PRPSAP1: variants seen among roughly 807,000 people sequenced by gnomAD.
PRPSAP1 encodes phosphoribosyl pyrophosphate synthetase associated protein 1.
PRPSAP1 carries 31 observed loss-of-function variants against 39.4 expected under a neutral mutation model. The observed-to-expected ratio is 0.79, with a 90% confidence interval of 0.59 to 1.06. PRPSAP1 has a LOEUF of 1.06. Ranked by LOEUF, PRPSAP1 falls within the 50% of genes least tolerant of loss-of-function variation. PRPSAP1 has a pLI of 0.00. For synonymous variants in PRPSAP1, 212 were observed against 192.6 expected (o/e 1.10, Z -0.83); for missense variants, 430 against 511.6 (o/e 0.84, Z 1.54).
intron 3 of PRPSAP1, among the ~76,000 whole-genome samples, chr17:76,339,133 G>A (rs377652099): frequency 2.6e-5 from 4 of 152,006 alleles, no homozygotes; most frequent in East Asian, 1.9e-4. Flanking sequence ...GACTGGGCAC[G>A]GTGGCTCACG....
Position 76,309,644 on chromosome 17 carries a change from C to T in PRPSAP1, c.*1898G>A, listed in dbSNP as rs1281377461. 1 of 152,222 alleles carries T rather than the reference C, an allele frequency of 6.6e-6. No individual in the cohort carries two copies. The highest frequency in any genetic ancestry group is 2.4e-5 in the African/African-American group (1 of 41,446). 9.4% of individuals were successfully genotyped at this position (152,222 alleles called of 1,614,324 possible). On this transcript the variant is annotated 3_prime_UTR_variant, in exon 10 of 10. Transcript: ENST00000446526. The stretch of plus-strand genomic sequence containing the variant: ...AACCACGACTGAACACGTACAGATT[C>T]CTGTCATGATTCTCTAAATAATACA...
At chr17:76,321,898 A>G (rs2071202158) in intron 7 of PRPSAP1, among the ~76,000 whole-genome samples, 1 of 152,130 alleles carries the variant, frequency 6.6e-6, no homozygotes, top group Admixed American at 6.5e-5. Context: ...GAGAAGTTTG[A>G]GTGATCTGGA....
chr17:76,337,945 A>G (rs2071396558), intron 3 of PRPSAP1, among the ~76,000 whole-genome samples: 1 of 152,052 alleles, frequency 6.6e-6, no homozygotes, highest in Non-Finnish European at 1.5e-5. Flanking sequence ...TTACATCAAC[A>G]CACTAGAACT....
At position 76,344,701 on chromosome 17, in the gene PRPSAP1, T is replaced by C; in HGVS notation, c.260A>G (p.Gln87Arg). 6.3e-7 allele frequency: 1 copy of C among 1,583,760 alleles called. No homozygotes were observed. The highest frequency in any genetic ancestry group is 8.6e-7 in the Non-Finnish European group (1 of 1,160,502). ...TATTGTCTGTATAATGAAAATATCT[T>C]GGCCACGAACAGATTCTTTTATTTC... ...RVEIKESVRG[Q>R]DIFIIQTIPR... The change falls in exon 3 of 10, where the codon CAA becomes CGA. Residue 87 changes from glutamine to arginine, a missense_variant. This residue lies in a region of PRPSAP1 where 152 missense variants were observed against 135.2 expected (regional missense o/e 1.12). Transcript: ENST00000446526.
chr17:76,346,870 C>T (rs1273994895), intron 2 of PRPSAP1, among the ~76,000 whole-genome samples: 2 of 151,704 alleles, frequency 1.3e-5, no homozygotes, highest in Non-Finnish European at 2.9e-5. Flanking sequence ...CACTCCAGCC[C>T]GGGCGACATC....
intron 3 of PRPSAP1, among the ~76,000 whole-genome samples, chr17:76,335,912 C>G (rs1277059478): frequency 2.6e-5 from 4 of 151,760 alleles, no homozygotes; most frequent in African/African-American, 7.3e-5. Flanking sequence ...GAGGATCCCT[C>G]AAACCCATAT....
chr17:76,347,193 GCAGA>G (rs1567810150), intron 2 of PRPSAP1, among the ~76,000 whole-genome samples: 1 of 149,796 alleles, frequency 6.7e-6, no homozygotes, highest in Non-Finnish European at 1.5e-5. Flanking sequence ...CACTTAGAAA[GCAGA>G]CAGAGTGGGC....
At chr17:76,333,603 C>T (rs990549253) in intron 3 of PRPSAP1, among the ~76,000 whole-genome samples, 1 of 151,906 alleles carries the variant, frequency 6.6e-6, no homozygotes, top group Non-Finnish European at 1.5e-5. Context: ...CGAGATCATG[C>T]CACTGCACTC....
chr17:76,339,932 G>T (rs2071417653), intron 3 of PRPSAP1, among the ~76,000 whole-genome samples: 1 of 151,300 alleles, frequency 6.6e-6, no homozygotes, highest in Non-Finnish European at 1.5e-5. Flanking sequence ...AGGAGTTCAA[G>T]ACCAGCCTGG....
rs749779371 is a variant in PRPSAP1, at chr17:76,344,701, T to G, written c.260A>C (p.Gln87Pro). The G allele has an allele frequency of 1.7e-4, 272 of 1,583,638 alleles. No homozygotes were observed. The highest frequency in any genetic ancestry group is 2.3e-4 in the Non-Finnish European group (267 of 1,160,506). The change falls in exon 3 of 10, where the codon CAA becomes CCA. Residue 87 changes from glutamine (Q) to proline (P), a missense_variant. Transcript: ENST00000446526. ...TATTGTCTGTATAATGAAAATATCT[T>G]GGCCACGAACAGATTCTTTTATTTC... ...RVEIKESVRG[Q>P]DIFIIQTIPR...
At chr17:76,342,388 G>A (rs1001116468) in intron 3 of PRPSAP1, among the ~76,000 whole-genome samples, 5 of 152,058 alleles carry the variant, frequency 3.3e-5, no homozygotes, top group African/African-American at 1.2e-4. Context: ...CAAAGTAATC[G>A]GCAAAATGTC....
rs1555596822 is a variant in PRPSAP1 at position 76,345,237 on chromosome 17, T to TAAGAAA, written c.224-501_224-500insTTTCTT. On this transcript the variant is annotated intron_variant, in intron 2 of 9. Coordinates refer to ENST00000446526, the MANE Select transcript of PRPSAP1 (RefSeq NM_002766.3). Reference sequence around the variant, plus strand: ...GTGACAGAGCAAGATTCCGTCTCATTAAAAAAAAAAAAAAAAAAGAGTTCT... The same window carrying TAAGAAA: ...GTGACAGAGCAAGATTCCGTCTCATTAAGAAAAAAAAAAAAAAAAAAAAAGAGTTCT... 1.4e-3 allele frequency among the ~76,000 whole-genome samples: 90 copies of TAAGAAA among 62,192 alleles called. 2 individuals carry two copies. The highest frequency in any genetic ancestry group is 8.3e-4 in the Admixed American group (3 of 3,636). 40.8% of individuals were successfully genotyped at this position (62,192 alleles called of 152,430 possible). A position where few individuals can be genotyped will look rare whatever the true frequency, so the allele number is the denominator to read the frequency against.
At chr17:76,314,231 T>TGTATGTATG in intron 7 of PRPSAP1, 4 of 271,708 alleles carry the variant, frequency 1.5e-5, no homozygotes, top group Admixed American at 4.8e-5. Context: ...TATGTATGTA[T>TGTATGTATG]TTTTTGAGAC....
chr17:76,339,054 T>C (rs1156974350), intron 3 of PRPSAP1, among the ~76,000 whole-genome samples: 1 of 148,608 alleles, frequency 6.7e-6, no homozygotes, highest in Non-Finnish European at 1.5e-5. Context: ...TAAATTAAAT[T>C]AAATTATCTG....
intron 2 of PRPSAP1, among the ~76,000 whole-genome samples, chr17:76,347,316 C>T (rs1300691437): frequency 1.3e-5 from 2 of 151,468 alleles, no homozygotes; most frequent in African/African-American, 4.9e-5. Flanking sequence ...GCAAAACCCC[C>T]GTCTCTGCTA....
In PRPSAP1 at chr17:76,310,524, G is replaced by A. The variant is rs1187532278; in HGVS notation, c.*1018C>T. On this transcript the variant is annotated 3_prime_UTR_variant, in exon 10 of 10. Transcript: ENST00000446526. Reference sequence around the variant, plus strand: ...TCTGTCACCCAGGATGGATGGCAGTGGTACAATCATAGTTCACTGCAGCTT... The same window carrying A: ...TCTGTCACCCAGGATGGATGGCAGTAGTACAATCATAGTTCACTGCAGCTT... 2 of 151,490 alleles carry A rather than the reference G, an allele frequency of 1.3e-5. No homozygotes were observed. The highest frequency in any genetic ancestry group is 2.9e-5 in the Non-Finnish European group (2 of 67,932). 9.4% of individuals were successfully genotyped at this position (151,490 alleles called of 1,614,324 possible). A position where few individuals can be genotyped will look rare whatever the true frequency, so the allele number is the denominator to read the frequency against.
intron 3 of PRPSAP1, among the ~76,000 whole-genome samples, chr17:76,338,859 C>A (rs996473483): frequency 4.6e-5 from 7 of 151,200 alleles, no homozygotes; most frequent in African/African-American, 1.7e-4. Context: ...CATGGTAAAA[C>A]CCCATCTCTA....
At chr17:76,315,171 G>A (rs1321857774) in intron 7 of PRPSAP1, among the ~76,000 whole-genome samples, 3 of 152,152 alleles carry the variant, frequency 2.0e-5, no homozygotes, top group African/African-American at 7.2e-5. Context: ...GAAAGGCTAT[G>A]AGTGTACAAA....
At chr17:76,332,915 C>T (rs867627823) in intron 3 of PRPSAP1, among the ~76,000 whole-genome samples, 4 of 146,372 alleles carry the variant, frequency 2.7e-5, no homozygotes, top group Non-Finnish European at 3.0e-5. Flanking sequence ...TTTTTTGAGA[C>T]GGAGTCTCGC....
Sources: allele counts gnomAD v4.1 joint callset (sites outside exome capture counted in the v4.1 genomes callset), GRCh38; gene constraint gnomAD v4.1.1; regional missense constraint gnomAD v4.1.1; transcripts MANE v1.5; gene names NCBI Gene and HGNC (gene_info 2026-07-23, HGNC 2026-07-21).